Variants in SEMA5A observed in about 807,000 individuals in gnomAD.
SEMA5A encodes the protein semaphorin-5A.
Under a neutral mutation model 135.5 loss-of-function variants are expected in SEMA5A, and 55 were observed. That is an observed-to-expected ratio of 0.41 (90% CI 0.33 to 0.51). SEMA5A has a LOEUF of 0.51. SEMA5A is among the 20% of genes least tolerant of loss of function. The pLI is 0.37. For missense variants in SEMA5A, 1,290 were observed against 1,419.9 expected (o/e 0.91, Z 1.47); for synonymous variants, 580 against 546.5 (o/e 1.06, Z -0.85).
At chr5:9,071,969 C>T (rs559205576) in intron 16 of SEMA5A, among the ~76,000 whole-genome samples, 1 of 152,138 alleles carries the variant, frequency 6.6e-6, no homozygotes, top group Non-Finnish European at 1.5e-5. Context: ...TTGTGGCAAA[C>T]AGAACAAAGA....
At chr5:9,364,145 TA>T (rs1370623827) in intron 3 of SEMA5A, among the ~76,000 whole-genome samples, 1 of 152,244 alleles carries the variant, frequency 6.6e-6, no homozygotes, top group Non-Finnish European at 1.5e-5. Context: ...CAGGCATCTT[TA>T]ACAACCATGT....
intron 13 of SEMA5A, among the ~76,000 whole-genome samples, chr5:9,134,411 G>A (rs1741615878): frequency 6.6e-6 from 1 of 152,166 alleles, no homozygotes; most frequent in Non-Finnish European, 1.5e-5. Context: ...GCCTCCTAAA[G>A]TGCTGGGTTT....
chr5:9,524,800 G>T (rs446573), intron 1 of SEMA5A, among the ~76,000 whole-genome samples: 51,473 of 151,948 alleles, frequency 0.34, 8,903 homozygotes, highest in East Asian at 0.41. Flanking sequence ...TGGGTGACTT[G>T]ACAAATATTT....
At chr5:9,272,129 T>C (rs1392601416) in intron 5 of SEMA5A, among the ~76,000 whole-genome samples, 1 of 152,068 alleles carries the variant, frequency 6.6e-6, no homozygotes, top group Non-Finnish European at 1.5e-5. Context: ...AAATTTTCAC[T>C]GCTAGCACAG....
In SEMA5A at chr5:9,224,808, G is replaced by A. The variant is rs746402219; in HGVS notation, c.512C>T (p.Ala171Val). ...GAGCTCCCCACCAGCTGTGAGGAGC[G>A]CTGTGGAATTGTGCTGGGGACTGTA... ...CPYSPQHNST[A>V]LLTAGGELYA... The change falls in exon 8 of 23, where the codon GCG becomes GTG. Residue 171 changes from alanine to valine, a missense_variant. Transcript: ENST00000382496. 4.7e-5 allele frequency: 76 copies of A among 1,614,090 alleles called. 1 individual carries two copies. Among genetic ancestry groups the A allele is most frequent in the African/African-American group, 1.5e-4 (11 of 75,032 alleles).
At chr5:9,120,784 A>T (rs1016970304) in intron 14 of SEMA5A, among the ~76,000 whole-genome samples, 2 of 146,276 alleles carry the variant, frequency 1.4e-5, no homozygotes, top group South Asian at 2.1e-4. Flanking sequence ...ATGTGGATTG[A>T]TTTTTTTTTT....
chr5:9,480,752 T>C (rs1368258766), intron 1 of SEMA5A, among the ~76,000 whole-genome samples: 1 of 152,032 alleles, frequency 6.6e-6, no homozygotes, highest in African/African-American at 2.4e-5. Context: ...GGTGTGCAAA[T>C]TAGAGGTGTC....
At chr5:9,068,715 A>G (rs1245403089) in intron 16 of SEMA5A, among the ~76,000 whole-genome samples, 2 of 152,138 alleles carry the variant, frequency 1.3e-5, no homozygotes, top group Non-Finnish European at 2.9e-5. Context: ...GGGGCTGTGG[A>G]TTCCTAAGCT....
intron 16 of SEMA5A, among the ~76,000 whole-genome samples, chr5:9,085,647 G>C (rs910496199): frequency 6.6e-6 from 1 of 152,192 alleles, no homozygotes; most frequent in African/African-American, 2.4e-5. Flanking sequence ...TTTGCTGCAG[G>C]GGTGGGGCTC....
chr5:9,047,732 A>T (rs952879909), intron 21 of SEMA5A, among the ~76,000 whole-genome samples: 7 of 152,190 alleles, frequency 4.6e-5, no homozygotes, highest in Non-Finnish European at 7.3e-5. Context: ...CTACAATAAG[A>T]TTCATCTAAA....
At chr5:9,241,670 T>C (rs759773875) in intron 5 of SEMA5A, among the ~76,000 whole-genome samples, 7 of 152,034 alleles carry the variant, frequency 4.6e-5, no homozygotes, top group Admixed American at 1.3e-4. Context: ...ACAGCATCCA[T>C]TGGACCGTGT....
intron 1 of SEMA5A, among the ~76,000 whole-genome samples, chr5:9,438,288 G>A (rs1758105355): frequency 6.6e-6 from 1 of 152,120 alleles, no homozygotes; most frequent in African/African-American, 2.4e-5. Flanking sequence ...AGGAGACAAA[G>A]GCAGTAGCAC....
intron 16 of SEMA5A, among the ~76,000 whole-genome samples, chr5:9,078,349 C>T (rs923773603): frequency 1.3e-5 from 2 of 152,214 alleles, no homozygotes; most frequent in South Asian, 2.1e-4. Context: ...TGCTTGAGAA[C>T]ATGATGATAA....
intron 1 of SEMA5A, among the ~76,000 whole-genome samples, chr5:9,521,234 AC>A (rs1402399675): frequency 6.6e-6 from 1 of 152,106 alleles, no homozygotes; most frequent in Non-Finnish European, 1.5e-5. Context: ...ACATGGCGAA[AC>A]CCCATCTCTA....
chr5:9,358,882 G>T (rs1348898969), intron 3 of SEMA5A, among the ~76,000 whole-genome samples: 1 of 152,204 alleles, frequency 6.6e-6, no homozygotes, highest in Non-Finnish European at 1.5e-5. Flanking sequence ...CTAGGTTGAG[G>T]CATTGAGGTA....
intron 8 of SEMA5A, among the ~76,000 whole-genome samples, chr5:9,215,466 T>C (rs1293568749): frequency 1.3e-5 from 2 of 152,164 alleles, no homozygotes; most frequent in East Asian, 1.9e-4. Context: ...ACATGACTGG[T>C]ATCCTTATAA....
intron 3 of SEMA5A, among the ~76,000 whole-genome samples, chr5:9,349,694 G>T (rs183919351): frequency 4.4e-4 from 67 of 152,190 alleles, no homozygotes; most frequent in African/African-American, 1.6e-3. Context: ...GAGGTCAGGA[G>T]ATCAAGACCA....
At chr5:9,287,508 A>C (rs1750859291) in intron 5 of SEMA5A, among the ~76,000 whole-genome samples, 1 of 152,218 alleles carries the variant, frequency 6.6e-6, no homozygotes, top group Non-Finnish European at 1.5e-5. Flanking sequence ...AAATATTTTA[A>C]TCTTATCCAT....
At position 9,475,551 on chromosome 5, in the gene SEMA5A, A is replaced by C. The variant is rs555250277; in HGVS notation, c.-174-37699T>G. Among the ~76,000 whole-genome samples the C allele has an allele frequency of 3.3e-5, 5 of 152,332 alleles. No homozygotes were observed. In the South Asian group the frequency reaches 1.0e-3, roughly 32 times the overall value. On this transcript the variant is annotated intron_variant, in intron 1 of 22. Transcript: ENST00000382496. ...TAACATTTATTTTCCATTTCATAAA[A>C]GTTTTCAAATGATTTTACAAATATG...
Sources: gnomAD v4.1 joint callset for allele counts (sites outside exome capture counted in the v4.1 genomes callset) on GRCh38, gnomAD v4.1.1 for gene constraint, MANE v1.5 for transcripts, NCBI Gene and HGNC (gene_info 2026-07-23, HGNC 2026-07-21) for gene names.